Variants in KCNAB1 observed in about 807,000 individuals in gnomAD.
KCNAB1 encodes potassium voltage-gated channel subfamily A regulatory beta subunit 1, also known as voltage-gated potassium channel subunit beta-1.
Under a neutral mutation model 64.6 loss-of-function variants are expected in KCNAB1, and 35 were observed. The ratio of observed to expected loss-of-function variants is 0.54; its 90% CI spans 0.41 to 0.72. KCNAB1 has a LOEUF of 0.72. Among genes scored for constraint, KCNAB1 ranks in the 30% least tolerant of loss-of-function variants. KCNAB1 has a pLI of 0.00. For synonymous variants in KCNAB1, 177 were observed against 183.8 expected, an observed-to-expected ratio of 0.96 and a Z score of 0.30; for missense variants, 401 against 512.9, an observed-to-expected ratio of 0.78 and a Z score of 2.11.
intron 7 of KCNAB1, among the ~76,000 whole-genome samples, chr3:156,471,989 A>G (rs983143467): frequency 6.6e-6 from 1 of 152,156 alleles, no homozygotes; most frequent in African/African-American, 2.4e-5. Flanking sequence ...CCAAATCAGT[A>G]CCCTGAATCC....
chr3:156,356,114 C>A (rs1725214560), intron 1 of KCNAB1, among the ~76,000 whole-genome samples: 2 of 130,714 alleles, frequency 1.5e-5, no homozygotes, highest in Non-Finnish European at 1.5e-5. Context: ...AGAGTGGGAC[C>A]CTGTAAAAAA....
At chr3:156,247,531 G>T (rs1007426552) in intron 1 of KCNAB1, among the ~76,000 whole-genome samples, 2 of 152,062 alleles carry the variant, frequency 1.3e-5, no homozygotes, top group African/African-American at 4.8e-5. Context: ...AATCTGGCCT[G>T]TCCTTTCTTC....
chr3:156,207,594 C>G (rs1714748793), intron 1 of KCNAB1, among the ~76,000 whole-genome samples: 1 of 152,102 alleles, frequency 6.6e-6, no homozygotes, highest in Non-Finnish European at 1.5e-5. Flanking sequence ...AGGAACAATA[C>G]AAATCTAATC....
At chr3:156,357,670 A>T (rs1725348386) in intron 1 of KCNAB1, among the ~76,000 whole-genome samples, 1 of 152,028 alleles carries the variant, frequency 6.6e-6, no homozygotes, top group Non-Finnish European at 1.5e-5. Context: ...GGTGAAATTA[A>T]TTTTAATAAT....
At chr3:156,523,622 C>T in intron 11 of KCNAB1, 1 of 533,010 alleles carries the variant, frequency 1.9e-6, no homozygotes, top group South Asian at 2.3e-5. Flanking sequence ...GAATATTAGT[C>T]AAAATCAATC....
intron 2 of KCNAB1, among the ~76,000 whole-genome samples, chr3:156,438,658 C>T (rs867043694): frequency 1.4e-4 from 21 of 152,264 alleles, no homozygotes; most frequent in Middle Eastern, 3.4e-3. Context: ...TGTACTAGTA[C>T]TATTTGTCTA....
At chr3:156,239,945 T>G (rs1717069426) in intron 1 of KCNAB1, among the ~76,000 whole-genome samples, 1 of 152,028 alleles carries the variant, frequency 6.6e-6, no homozygotes, top group Non-Finnish European at 1.5e-5. Flanking sequence ...AAGCTAGAGA[T>G]ACTTTTAAAC....
chr3:156,365,998 C>G (rs1017058926), intron 1 of KCNAB1, among the ~76,000 whole-genome samples: 10 of 152,116 alleles, frequency 6.6e-5, no homozygotes, highest in African/African-American at 2.4e-4. Context: ...TCTCCTCAGC[C>G]TTTATCTTTT....
At chr3:156,283,308 GC>G (rs1719862645) in intron 1 of KCNAB1, among the ~76,000 whole-genome samples, 1 of 151,358 alleles carries the variant, frequency 6.6e-6, no homozygotes, top group Admixed American at 6.6e-5. Context: ...CTCTCTTCTG[GC>G]TTGTAGGGTT....
At chr3:156,221,878 C>T (rs1715786134) in intron 1 of KCNAB1, among the ~76,000 whole-genome samples, 1 of 151,790 alleles carries the variant, frequency 6.6e-6, no homozygotes, top group Non-Finnish European at 1.5e-5. Context: ...ACAGAATTTT[C>T]CATTACCAAG....
At position 156,354,047 on chromosome 3, in the gene KCNAB1, A is replaced by G. The variant is rs918607400; in HGVS notation, c.276-67569A>G. On this transcript the variant is annotated intron_variant, in intron 1 of 13. Transcript: ENST00000490337. ...TGTCATAATGTGTGTGTGTATATAT[A>G]TGTGTGTGTGTGTGTGTGTGTGTGT... Among the ~76,000 whole-genome samples the G allele has an allele frequency of 3.1e-4, 42 of 137,584 alleles. 1 individual carries two copies. Among genetic ancestry groups the G allele is most frequent in the African/African-American group, 8.7e-4 (32 of 36,988 alleles). 90.3% of individuals were successfully genotyped at this position (137,584 alleles called of 152,430 possible). A position where few individuals can be genotyped will look rare whatever the true frequency, so the allele number is the denominator to read the frequency against.
intron 1 of KCNAB1, among the ~76,000 whole-genome samples, chr3:156,274,162 A>G (rs1719196320): frequency 6.6e-6 from 1 of 152,194 alleles, no homozygotes; most frequent in African/African-American, 2.4e-5. Flanking sequence ...GGTAACTGAT[A>G]CATACCTTGA....
At chr3:156,260,743 G>C (rs1230742306) in intron 1 of KCNAB1, among the ~76,000 whole-genome samples, 3 of 152,036 alleles carry the variant, frequency 2.0e-5, no homozygotes, top group Non-Finnish European at 2.9e-5. Context: ...TCTTTATGTG[G>C]ACACACATTT....
intron 2 of KCNAB1, among the ~76,000 whole-genome samples, chr3:156,438,439 T>C (rs139266718): frequency 1.6e-3 from 241 of 152,352 alleles, no homozygotes; most frequent in African/African-American, 5.2e-3. Context: ...ATGTGTCACT[T>C]CAGAATAATC....
At chr3:156,447,076 C>T (rs1711620560) in intron 2 of KCNAB1, among the ~76,000 whole-genome samples, 1 of 152,166 alleles carries the variant, frequency 6.6e-6, no homozygotes, top group Admixed American at 6.5e-5. Context: ...AACACTCTCC[C>T]TCCAGATAAG....
At chr3:156,333,319 A>AAC (rs10641743) in intron 1 of KCNAB1, among the ~76,000 whole-genome samples, 9,405 of 143,240 alleles carry the variant, frequency 0.066, 414 homozygotes, top group African/African-American at 0.12. Flanking sequence ...CGCACATAGA[A>AAC]ACACACACAC....
At chr3:156,412,483 GA>G (rs1403289159) in intron 1 of KCNAB1, among the ~76,000 whole-genome samples, 11 of 152,348 alleles carry the variant, frequency 7.2e-5, no homozygotes, top group African/African-American at 2.6e-4. Flanking sequence ...AGAGAGTTAA[GA>G]AAGGCTTCTC....
At chr3:156,214,515 G>C (rs1345895964) in intron 1 of KCNAB1, among the ~76,000 whole-genome samples, 1 of 152,122 alleles carries the variant, frequency 6.6e-6, no homozygotes, top group Non-Finnish European at 1.5e-5. Flanking sequence ...AGACAAAAAT[G>C]GAAAGACTCA....
chr3:156,534,635 C>T (rs181941303), intron 13 of KCNAB1, among the ~76,000 whole-genome samples: 26 of 152,280 alleles, frequency 1.7e-4, no homozygotes, highest in Non-Finnish European at 3.1e-4. Flanking sequence ...TGACCACTAT[C>T]CCAGCCTAGC....
Sources: allele counts gnomAD v4.1 joint callset (sites outside exome capture counted in the v4.1 genomes callset), GRCh38; gene constraint gnomAD v4.1.1; transcripts MANE v1.5; gene names NCBI Gene and HGNC (gene_info 2026-07-23, HGNC 2026-07-21).